FTCD: variants seen among roughly 807,000 people sequenced by gnomAD.
FTCD encodes the protein formimidoyltransferase cyclodeaminase.
FTCD carries 76 observed loss-of-function variants against 62.9 expected under a neutral mutation model. The observed-to-expected ratio is 1.21, with a 90% CI of 1.00 to 1.46. FTCD has a LOEUF of 1.46. FTCD is among the 40% of genes most tolerant of loss of function. The pLI is 0.00. For missense variants in FTCD, 845 were observed against 751.3 expected (o/e 1.12, Z -1.46); for synonymous variants, 397 against 336.9 (o/e 1.18, Z -1.95).
In FTCD at chr21:46,155,462, G is replaced by A. The variant is rs1407453872; in HGVS notation, c.54+8C>T. 6.8e-6 allele frequency: 11 copies of A among 1,610,892 alleles called. No individual in the cohort carries two copies. Among genetic ancestry groups the A allele is most frequent in the Non-Finnish European group, 8.5e-6 (10 of 1,178,116 alleles). The stretch of plus-strand genomic sequence containing the variant: ...CCCTAGATGCTTGACCAGCTCCTCG[G>A]GCCTCACCTCCTGGTTCTTCCCCTC... On this transcript the variant is annotated splice_region_variant and intron_variant, in intron 1 of 13. Coordinates refer to ENST00000397746, the MANE Select transcript of FTCD (RefSeq NM_206965.2).
chr21:46,136,402 G>T, downstream of FTCD: 1 of 1,599,198 alleles, frequency 6.3e-7, no homozygotes, highest in Non-Finnish European at 8.6e-7. Flanking sequence ...GGCCAGTACC[G>T]TGCTCTGTGG....
rs756761574 is a variant in FTCD at position 46,138,564 on chromosome 21, G to C, written c.1387C>G (p.Pro463Ala). 5.0e-6 allele frequency: 8 copies of C among 1,586,564 alleles called. No individual in the cohort carries two copies. Among genetic ancestry groups the C allele is most frequent in the Admixed American group, 1.7e-5 (1 of 57,438 alleles). Residue 463 changes from proline to alanine, a missense_variant, in exon 12 of 14, where the codon CCG becomes GCG. Coordinates refer to ENST00000397746, the MANE Select transcript of FTCD (RefSeq NM_206965.2). The stretch of plus-strand genomic sequence containing the variant: ...CACCGGGCCAGTTCCTGCAGGGCCG[G>C]CCACAGCGAGGCCACCGTCTCCGCC... ...TLAETVASLW[P>A]ALQELARCGN...
intron 2 of FTCD, among the ~76,000 whole-genome samples, 200 bp from the exon 3 acceptor site, chr21:46,153,235 C>T (rs973051170): frequency 7.2e-5 from 11 of 152,316 alleles, no homozygotes; most frequent in East Asian, 1.9e-4. Flanking sequence ...CCAGCCCTCC[C>T]GGGACAACGG....
intron 3 of FTCD, chr21:46,152,670 G>GT (rs2079320664): frequency 2.1e-6 from 1 of 466,686 alleles, no homozygotes; most frequent in East Asian, 3.3e-5. Context: ...AAGGCTCTTG[G>GT]TTTGCCTGTG....
At chr21:46,151,280 G>C (rs2123561914) in intron 5 of FTCD, among the ~76,000 whole-genome samples, 1 of 152,348 alleles carries the variant, frequency 6.6e-6, no homozygotes, top group East Asian at 1.9e-4. Flanking sequence ...CCAGCAGTAT[G>C]GAAATGCTGC....
intron 10 of FTCD, among the ~76,000 whole-genome samples, chr21:46,139,881 C>A (rs952105174): frequency 1.3e-5 from 2 of 152,208 alleles, no homozygotes; most frequent in African/African-American, 4.8e-5. Flanking sequence ...CACTCTCTCA[C>A]ACCCAGGCCT....
chr21:46,138,662 GGA>G lies in FTCD; in HGVS notation c.1305-18_1305-17del. The G allele has an allele frequency of 1.9e-6, 3 of 1,596,110 alleles. No homozygotes were observed. The Admixed American group carries it at 5.0e-5, about 27-fold the overall frequency. ...CGCCGTGCGCCTGAAAGGAGCAAGA[GGA>G]GAGCCTGAGCACAGCGGCACACACA... On this transcript the variant is annotated splice_polypyrimidine_tract_variant and intron_variant, in intron 11 of 13. Coordinates refer to ENST00000397746, the MANE Select transcript of FTCD (RefSeq NM_206965.2).
chr21:46,153,243 C>G (rs1042146655), intron 2 of FTCD, among the ~76,000 whole-genome samples: 3 of 152,210 alleles, frequency 2.0e-5, no homozygotes, highest in Non-Finnish European at 4.4e-5. Flanking sequence ...CCCGGGACAA[C>G]GGAAGTTCCC....
chr21:46,139,895 G>A (rs548318477), intron 10 of FTCD, among the ~76,000 whole-genome samples: 1 of 152,126 alleles, frequency 6.6e-6, no homozygotes, highest in Non-Finnish European at 1.5e-5. Flanking sequence ...CAGGCCTTGC[G>A]GTGTCCATGG....
At chr21:46,146,243 A>C in intron 8 of FTCD, 23 bp downstream of exon 8, 1 of 1,551,412 alleles carries the variant, frequency 6.4e-7, no homozygotes, top group Non-Finnish European at 8.8e-7. Context: ...GGGTGAGAAG[A>C]GGGCGGGAGG....
At chr21:46,143,432 G>C (rs1331027436) in intron 10 of FTCD, among the ~76,000 whole-genome samples, 2 of 147,028 alleles carry the variant, frequency 1.4e-5, no homozygotes, top group African/African-American at 4.9e-5. Context: ...CCGAGGGCAC[G>C]AGCTGTTTTA....
Position 46,152,897 on chromosome 21 carries a change from G to GGGGGGCC in FTCD, c.367+9_367+10insGGCCCCC. The stretch of plus-strand genomic sequence containing the variant: ...GGAGCAGAGTGAGGGGGGCGGGGGG[G>GGGGGGCC]CACGCTCACCTGGCACGTCCAGCTC... On this transcript the variant is annotated intron_variant, in intron 3 of 13. Coordinates refer to ENST00000397746, the MANE Select transcript of FTCD (RefSeq NM_206965.2). 3 of 1,210,018 alleles carry GGGGGGCC rather than the reference G, an allele frequency of 2.5e-6. No homozygotes were observed. The highest frequency in any genetic ancestry group is 3.5e-6 in the Non-Finnish European group (3 of 865,772). 75.0% of individuals were successfully genotyped at this position (1,210,018 alleles called of 1,614,324 possible).
At chr21:46,138,159 G>C (rs2078911935) in intron 12 of FTCD, among the ~76,000 whole-genome samples, 1 of 152,068 alleles carries the variant, frequency 6.6e-6, no homozygotes, top group Non-Finnish European at 1.5e-5. Context: ...CCAAAGTGCT[G>C]GGACCACAGG....
At chr21:46,137,758 C>T (rs1014111328) in intron 12 of FTCD, among the ~76,000 whole-genome samples, 2 of 152,142 alleles carry the variant, frequency 1.3e-5, no homozygotes, top group Admixed American at 6.5e-5. Flanking sequence ...ATAAAGAACC[C>T]GAAGACCATG....
chr21:46,140,811 T>G (rs561035215), intron 10 of FTCD, among the ~76,000 whole-genome samples: 6 of 148,624 alleles, frequency 4.0e-5, no homozygotes, highest in African/African-American at 1.3e-4. Flanking sequence ...AATCCAGCAC[T>G]CCCCGTCAGC....
intron 2 of FTCD, among the ~76,000 whole-genome samples, chr21:46,153,648 G>A (rs1450756944): frequency 6.6e-6 from 1 of 152,254 alleles, no homozygotes; most frequent in African/African-American, 2.4e-5. Context: ...CCACCCCTCA[G>A]GATCACTGTG....
chr21:46,150,329 C>T, intron 6 of FTCD, 59 bp downstream of exon 6: 1 of 1,611,332 alleles, frequency 6.2e-7, no homozygotes, highest in Non-Finnish European at 8.5e-7. Flanking sequence ...GGCCCCCGCC[C>T]TGCCCACGGG....
chr21:46,152,419 C>T (rs369286011), intron 3 of FTCD: 40 of 203,274 alleles, frequency 2.0e-4, no homozygotes, highest in South Asian at 6.8e-4. Context: ...ATGACCGTGA[C>T]GGGGGTTACG....
intron 7 of FTCD, chr21:46,146,607 C>T (rs1354582336): frequency 1.8e-6 from 1 of 556,458 alleles, no homozygotes; most frequent in African/African-American, 1.9e-5. Context: ...AGGAGTTGCC[C>T]CCTGGGGACC....
Sources: gnomAD v4.1 joint callset for allele counts (sites outside exome capture counted in the v4.1 genomes callset) on GRCh38, gnomAD v4.1.1 for gene constraint, MANE v1.5 for transcripts, NCBI Gene and HGNC (gene_info 2026-07-23, HGNC 2026-07-21) for gene names.